The following GFRAL variants were observed in gnomAD, a reference collection of about 807,000 sequenced individuals.
The protein encoded by GFRAL is GDNF family receptor alpha-like.
A neutral mutation model predicts 45.4 loss-of-function variants in GFRAL; 36 were observed. That is an observed-to-expected ratio of 0.79 (90% CI 0.61 to 1.05). The LOEUF is 1.05. Among genes scored for constraint, GFRAL ranks in the 50% least tolerant of loss-of-function variants. The probability of loss-of-function intolerance (pLI) is 0.00; values close to 1 mark genes in which losing one functional copy is unlikely to be tolerated. For synonymous variants in GFRAL, 166 were observed against 154.1 expected (o/e 1.08, Z -0.57); for missense variants, 507 against 467.5 (o/e 1.08, Z -0.78).
intron 3 of GFRAL, among the ~76,000 whole-genome samples, chr6:55,336,881 GA>G (rs1479497699): frequency 6.6e-6 from 1 of 152,014 alleles, no homozygotes; most frequent in Non-Finnish European, 1.5e-5. Flanking sequence ...TCAAGTGGAG[GA>G]AATTCCTTAT....
intron 3 of GFRAL, among the ~76,000 whole-genome samples, chr6:55,344,769 C>T (rs1768015992): frequency 2.0e-5 from 3 of 152,172 alleles, no homozygotes; most frequent in South Asian, 4.1e-4. Flanking sequence ...TTGCAGATGA[C>T]ATGACTGTAT....
intron 6 of GFRAL, among the ~76,000 whole-genome samples, chr6:55,366,428 G>A (rs1373768310): frequency 1.4e-5 from 2 of 145,010 alleles, no homozygotes; most frequent in African/African-American, 5.2e-5. Flanking sequence ...GGTTTTTTGT[G>A]TCTCTATTTC....
At chr6:55,327,617 A>G (rs773927641) in intron 1 of GFRAL, 41 bp downstream of exon 1, 3 of 1,576,744 alleles carry the variant, frequency 1.9e-6, no homozygotes, top group South Asian at 2.2e-5. Flanking sequence ...ATTATTCATA[A>G]TACTAATTCT....
intron 6 of GFRAL, among the ~76,000 whole-genome samples, chr6:55,397,141 T>C (rs2127367221): frequency 6.6e-6 from 1 of 152,268 alleles, no homozygotes; most frequent in South Asian, 2.1e-4. Context: ...CCTTCCAAAG[T>C]GCTGGTTTTA....
At chr6:55,357,955 G>C (rs1463945008) in intron 5 of GFRAL, among the ~76,000 whole-genome samples, 1 of 151,750 alleles carries the variant, frequency 6.6e-6, no homozygotes, top group East Asian at 1.9e-4. Flanking sequence ...AGCATTGAAG[G>C]AATATGTTTG....
chr6:55,342,925 AAAG>A (rs1390155955), intron 3 of GFRAL, among the ~76,000 whole-genome samples: 1 of 152,186 alleles, frequency 6.6e-6, no homozygotes, highest in African/African-American at 2.4e-5. Flanking sequence ...CAAAAGAGAG[AAAG>A]AAGGCCATTA....
chr6:55,353,302 T>C (rs941341904), intron 5 of GFRAL, among the ~76,000 whole-genome samples: 5 of 152,052 alleles, frequency 3.3e-5, no homozygotes, highest in African/African-American at 9.7e-5. Context: ...TTAGTAAAAT[T>C]CTCTCTTTTA....
At chr6:55,363,262 A>G (rs1477175486) in intron 6 of GFRAL, among the ~76,000 whole-genome samples, 1 of 151,948 alleles carries the variant, frequency 6.6e-6, no homozygotes, top group Non-Finnish European at 1.5e-5. Flanking sequence ...CTTGTAATAC[A>G]TACATACTTT....
At chr6:55,391,422 T>C (rs1361181942) in intron 6 of GFRAL, among the ~76,000 whole-genome samples, 2 of 152,218 alleles carry the variant, frequency 1.3e-5, no homozygotes, top group Non-Finnish European at 2.9e-5. Flanking sequence ...TATTTAATTT[T>C]GAACCATAAG....
chr6:55,375,550 A>C (rs1768512507), intron 6 of GFRAL, among the ~76,000 whole-genome samples: 1 of 152,128 alleles, frequency 6.6e-6, no homozygotes, highest in Non-Finnish European at 1.5e-5. Flanking sequence ...CCCTAGATAT[A>C]GGATCGTATC....
chr6:55,389,686 C>G (rs1423446911), intron 6 of GFRAL, among the ~76,000 whole-genome samples: 2 of 152,294 alleles, frequency 1.3e-5, no homozygotes, highest in Non-Finnish European at 2.9e-5. Flanking sequence ...AAGTCAAAGG[C>G]TGACCCCTTT....
At chr6:55,347,496 G>C (rs1486502968) in intron 3 of GFRAL, among the ~76,000 whole-genome samples, 3 of 152,064 alleles carry the variant, frequency 2.0e-5, no homozygotes, top group African/African-American at 7.2e-5. Flanking sequence ...GACAGTACCT[G>C]AGTCGATGCT....
intron 6 of GFRAL, among the ~76,000 whole-genome samples, chr6:55,393,302 T>G (rs1468900604): frequency 6.6e-6 from 1 of 152,182 alleles, no homozygotes. Flanking sequence ...ATATATTACA[T>G]CTAACCCAAA....
At chr6:55,364,022 C>T (rs2127358650) in intron 6 of GFRAL, among the ~76,000 whole-genome samples, 1 of 143,738 alleles carries the variant, frequency 7.0e-6, no homozygotes, top group Non-Finnish European at 1.5e-5. Context: ...CACTGACTTC[C>T]ACAATGGTTG....
At chr6:55,394,663 A>G (rs1768798033) in intron 6 of GFRAL, among the ~76,000 whole-genome samples, 1 of 152,100 alleles carries the variant, frequency 6.6e-6, no homozygotes. Context: ...TCTTTTCAAG[A>G]TGGCTTGAAA....
chr6:55,358,543 A>G (rs1334815276), intron 5 of GFRAL, among the ~76,000 whole-genome samples: 1 of 151,992 alleles, frequency 6.6e-6, no homozygotes, highest in Non-Finnish European at 1.5e-5. Context: ...CTAGCCACAA[A>G]ACTATATTTG....
chr6:55,397,524 C>CAAAAA (rs70986715), intron 6 of GFRAL, among the ~76,000 whole-genome samples: 8 of 67,408 alleles, frequency 1.2e-4, no homozygotes, highest in African/African-American at 3.3e-4. Flanking sequence ...GACTCCGTCT[C>CAAAAA]AAAAAAAAAA....
intron 5 of GFRAL, among the ~76,000 whole-genome samples, chr6:55,358,576 C>T (rs1768227286): frequency 6.6e-6 from 1 of 151,920 alleles, no homozygotes; most frequent in South Asian, 2.1e-4. Context: ...GCCAATAAAT[C>T]TCTGAAGCAG....
intron 6 of GFRAL, among the ~76,000 whole-genome samples, chr6:55,393,940 G>A (rs1261566232): frequency 2.6e-5 from 4 of 152,152 alleles, no homozygotes; most frequent in Non-Finnish European, 1.5e-5. Context: ...ATTACTGGGG[G>A]TATTTATTGA....
Sources: gnomAD v4.1 joint callset for allele counts (sites outside exome capture counted in the v4.1 genomes callset) on GRCh38, gnomAD v4.1.1 for gene constraint, MANE v1.5 for transcripts, NCBI Gene and HGNC (gene_info 2026-07-23, HGNC 2026-07-21) for gene names.